The following GRIK4 variants were observed in gnomAD, a reference collection of about 807,000 sequenced individuals.
GRIK4 encodes the protein glutamate ionotropic receptor kainate type subunit 4, also known as glutamate receptor ionotropic, kainate 4.
GRIK4 carries 40 observed loss-of-function variants against 104.9 expected under a neutral mutation model. That is an observed-to-expected ratio of 0.38 (90% confidence interval 0.30 to 0.50). GRIK4 has a LOEUF of 0.50. Among genes scored for constraint, GRIK4 ranks in the 20% least tolerant of loss-of-function variants. The pLI is 0.93. For synonymous variants in GRIK4, 485 were observed against 524.9 expected (o/e 0.92, Z 1.04); for missense variants, 1,047 against 1,308.1 (o/e 0.80, Z 3.08).
intron 8 of GRIK4, among the ~76,000 whole-genome samples, chr11:120,854,716 A>G (rs755333181): frequency 1.2e-4 from 18 of 152,194 alleles, no homozygotes; most frequent in Non-Finnish European, 1.3e-4. Context: ...AGTCTGTATC[A>G]TACTTCCAGT....
chr11:120,843,925 A>G (rs1158916810), intron 8 of GRIK4, among the ~76,000 whole-genome samples: 1 of 152,108 alleles, frequency 6.6e-6, no homozygotes, highest in Non-Finnish European at 1.5e-5. Context: ...CAGATTCCCA[A>G]ACTATAGTCA....
chr11:120,790,487 A>T (rs867405685), intron 3 of GRIK4, among the ~76,000 whole-genome samples: 142 of 152,292 alleles, frequency 9.3e-4, no homozygotes, highest in African/African-American at 3.3e-3. Flanking sequence ...TTTAAAAAAC[A>T]GCTGAGTACG....
At chr11:120,650,242 G>A (rs1949599836) in intron 1 of GRIK4, among the ~76,000 whole-genome samples, 2 of 152,216 alleles carry the variant, frequency 1.3e-5, no homozygotes. Context: ...GAGAAAATCG[G>A]CCCTCAATGC....
At chr11:120,657,394 AT>A (rs746124208) in intron 2 of GRIK4, among the ~76,000 whole-genome samples, 1 of 152,196 alleles carries the variant, frequency 6.6e-6, no homozygotes, top group East Asian at 1.9e-4. Flanking sequence ...TCTGGGCCTG[AT>A]TTGCCAACAG....
chr11:120,859,453 C>T (rs1021349507), intron 8 of GRIK4: 1 of 152,256 alleles, frequency 6.6e-6, no homozygotes, highest in African/African-American at 2.4e-5. Flanking sequence ...CACTGTGAAT[C>T]TGTGGACATC....
chr11:120,573,265 G>A (rs117739945), intron 1 of GRIK4, among the ~76,000 whole-genome samples: 1 of 152,254 alleles, frequency 6.6e-6, no homozygotes, highest in Non-Finnish European at 1.5e-5. Context: ...ATTGTCACCA[G>A]GATATAAACC....
intron 1 of GRIK4, among the ~76,000 whole-genome samples, chr11:120,585,320 A>ATT (rs1190918650): frequency 6.9e-6 from 1 of 145,776 alleles, no homozygotes; most frequent in African/African-American, 2.5e-5. Flanking sequence ...AGTTCTTTTC[A>ATT]TTCTCTCTCT....
chr11:120,973,321 A>G (rs112696314), intron 19 of GRIK4, among the ~76,000 whole-genome samples: 1 of 152,314 alleles, frequency 6.6e-6, no homozygotes, highest in Non-Finnish European at 1.5e-5. Context: ...TCAGGCTTCC[A>G]GGAAAGATGG....
At chr11:120,911,968 T>C (rs1943008897) in intron 13 of GRIK4, among the ~76,000 whole-genome samples, 1 of 152,200 alleles carries the variant, frequency 6.6e-6, no homozygotes, top group South Asian at 2.1e-4. Flanking sequence ...GTAATACCCA[T>C]GGCTAACACT....
intron 13 of GRIK4, among the ~76,000 whole-genome samples, chr11:120,925,980 AAAAAAAGAAAG>A (rs1392658811): frequency 3.3e-5 from 5 of 152,010 alleles, no homozygotes; most frequent in Non-Finnish European, 7.4e-5. Context: ...TCTCAAAAAA[AAAAAAAGAAAG>A]AAAAAAAAGA....
chr11:120,984,174 G>C (rs1250327739), intron 20 of GRIK4, among the ~76,000 whole-genome samples: 1 of 152,194 alleles, frequency 6.6e-6, no homozygotes, highest in Non-Finnish European at 1.5e-5. Context: ...AGTCCCAATA[G>C]CTAAAATAAA....
rs142414103 is a variant in GRIK4 at position 120,956,639 on chromosome 11, G to A, written c.1701-141G>A. 288 of 479,888 alleles carry A rather than the reference G, an allele frequency of 6.0e-4. No individual in the cohort carries two copies. The East Asian group carries it at 8.5e-3, about 14-fold the overall frequency. The allele number at this position is 479,888 out of a possible 1,614,324, so 29.7% of individuals were successfully genotyped here. A position where few individuals can be genotyped will look rare whatever the true frequency, so the allele number is the denominator to read the frequency against. ...TTTATTTTATTTTTTTTTTGGTTGCGAAACTCCAAGTCCAGCAAAGGGAAG... is the reference window on the plus strand; with the variant it reads ...TTTATTTTATTTTTTTTTTGGTTGCAAAACTCCAAGTCCAGCAAAGGGAAG... On this transcript the variant is annotated intron_variant, in intron 15 of 20. Coordinates refer to ENST00000527524, the MANE Select transcript of GRIK4 (RefSeq NM_014619.5). This position sits in a 1 kb window ranked among gnomAD's most constrained non-coding sequence, Gnocchi z 4.6.
chr11:120,710,632 G>A (rs1196007868), intron 3 of GRIK4, among the ~76,000 whole-genome samples: 1 of 152,116 alleles, frequency 6.6e-6, no homozygotes, highest in African/African-American at 2.4e-5. Flanking sequence ...GTTTTTCTGT[G>A]CAGGGGTCAA....
chr11:120,594,961 A>C (rs1948783028), intron 1 of GRIK4, among the ~76,000 whole-genome samples: 1 of 152,132 alleles, frequency 6.6e-6, no homozygotes, highest in South Asian at 2.1e-4. Flanking sequence ...CCAGCGAGGG[A>C]GACACTGTCC....
Position 120,944,023 on chromosome 11 carries a change from G to A in GRIK4, c.1590+3563G>A, listed in dbSNP as rs1301486189. Among the ~76,000 whole-genome samples the A allele has an allele frequency of 3.9e-5, 6 of 152,072 alleles. No individual in the cohort carries two copies. In the East Asian group the frequency reaches 5.8e-4, roughly 15 times the overall value. ...TCTGTTTCTGTTCAGGCATCCTTAGGACCAAAATAAGAATGTTTTGCTCTT... is the reference window on the plus strand; with the variant it reads ...TCTGTTTCTGTTCAGGCATCCTTAGAACCAAAATAAGAATGTTTTGCTCTT... On this transcript the variant is annotated intron_variant, in intron 14 of 20. Transcript: ENST00000527524.
At chr11:120,741,083 G>T (rs1073388) in intron 3 of GRIK4, among the ~76,000 whole-genome samples, 1 of 151,742 alleles carries the variant, frequency 6.6e-6, no homozygotes, top group Non-Finnish European at 1.5e-5. Flanking sequence ...TGTCTCTCTC[G>T]TTCGTGTAAT....
At position 120,767,221 on chromosome 11, in the gene GRIK4, T is replaced by G. The variant is rs1394450685; in HGVS notation, c.83-35472T>G. On this transcript the variant is annotated intron_variant, in intron 3 of 20. Transcript: ENST00000527524. ...ACACCCTTGCCAACACTTGTTATCTTTTGTCTATTTGATAATAGCCATTTT... is the reference window on the plus strand; with the variant it reads ...ACACCCTTGCCAACACTTGTTATCTGTTGTCTATTTGATAATAGCCATTTT... 2.0e-5 allele frequency among the ~76,000 whole-genome samples: 3 copies of G among 152,186 alleles called. No individual in the cohort carries two copies. In the East Asian group the frequency reaches 5.8e-4, roughly 29 times the overall value.
At chr11:120,648,579 C>T (rs1352108797) in intron 1 of GRIK4, among the ~76,000 whole-genome samples, 1 of 152,174 alleles carries the variant, frequency 6.6e-6, no homozygotes, top group African/African-American at 2.4e-5. Flanking sequence ...TCTCTCTGGG[C>T]AGCCAGAGCA....
chr11:120,754,774 T>C (rs1951624129), intron 3 of GRIK4, among the ~76,000 whole-genome samples: 1 of 152,200 alleles, frequency 6.6e-6, no homozygotes, highest in Non-Finnish European at 1.5e-5. Flanking sequence ...TTTCCCTAAG[T>C]CTAATGATGT....
Sources: gnomAD v4.1 joint callset for allele counts (sites outside exome capture counted in the v4.1 genomes callset) on GRCh38, gnomAD v4.1.1 for gene constraint, Gnocchi (gnomAD v3.1) non-coding constraint, MANE v1.5 for transcripts, NCBI Gene and HGNC (gene_info 2026-07-23, HGNC 2026-07-21) for gene names.